RBX1: variants seen among roughly 807,000 people sequenced by gnomAD.
The protein encoded by RBX1 is E3 ubiquitin-protein ligase RBX1.
For missense variants in RBX1, 46 were observed against 141.4 expected (o/e 0.33, Z 3.42); for synonymous variants, 48 against 47.9 (o/e 1.00, Z -0.01).
At chr22:40,972,411 A>G in intron 4 of RBX1, 65 bp from the exon 5 acceptor site, 1 of 1,316,780 alleles carries the variant, frequency 7.6e-7, no homozygotes, top group Non-Finnish European at 1.1e-6. Flanking sequence ...GTGTTTAAGC[A>G]GGTTTTATGT....
chr22:40,965,258 A>G (rs34805534), intron 3 of RBX1, among the ~76,000 whole-genome samples: 1 of 151,566 alleles, frequency 6.6e-6, no homozygotes, highest in South Asian at 2.1e-4. Flanking sequence ...AGCCGAGACC[A>G]CACCACTGCA....
intron 2 of RBX1, among the ~76,000 whole-genome samples, chr22:40,958,774 T>TTTTGGTTTGGTTTGG (rs57128854): frequency 4.6e-4 from 67 of 144,818 alleles, no homozygotes; most frequent in East Asian, 3.4e-3. Flanking sequence ...TCCATCAGTA[T>TTTTGGTTTGGTTTGG]TTTGGTTTGG....
intron 2 of RBX1, among the ~76,000 whole-genome samples, chr22:40,958,929 T>C (rs1241773978): frequency 6.6e-6 from 1 of 152,140 alleles, no homozygotes; most frequent in Non-Finnish European, 1.5e-5. Flanking sequence ...TTCTCCTGCC[T>C]CAGCCTCCTG....
chr22:40,960,707 A>C (rs990804434), intron 2 of RBX1, among the ~76,000 whole-genome samples: 1 of 152,160 alleles, frequency 6.6e-6, no homozygotes, highest in African/African-American at 2.4e-5. Context: ...TAATTATAGT[A>C]GTGTATTCCA....
chr22:40,965,627 G>A (rs1283262882), intron 3 of RBX1, among the ~76,000 whole-genome samples: 2 of 152,032 alleles, frequency 1.3e-5, no homozygotes, highest in African/African-American at 4.8e-5. Flanking sequence ...TTTTAGTAGA[G>A]ATGGGGTTTC....
intron 2 of RBX1, among the ~76,000 whole-genome samples, chr22:40,961,081 C>CTTTTTTTTTTTTTTTTTTTTTTTT (rs61092253): frequency 9.3e-6 from 1 of 107,666 alleles, no homozygotes; most frequent in African/African-American, 3.7e-5. Flanking sequence ...CGTGCCTGGC[C>CTTTTTTTTTTTTTTTTTTTTTTTT]TTTTTTTTTT....
intron 1 of RBX1, among the ~76,000 whole-genome samples, chr22:40,953,140 G>A (rs1236750867): frequency 6.6e-6 from 1 of 151,824 alleles, no homozygotes; most frequent in Non-Finnish European, 1.5e-5. Context: ...ATAGACACCC[G>A]CCACCAGGCC....
intron 4 of RBX1, 85 bp downstream of exon 4, chr22:40,967,969 A>G (rs2058358524): frequency 2.3e-6 from 2 of 863,470 alleles, no homozygotes; most frequent in Admixed American, 4.0e-5. Context: ...GAGACATGAT[A>G]CATGCCTTGT....
At chr22:40,972,357 TGGAGCA>T in intron 4 of RBX1, 113 bp from the exon 5 acceptor site, 1 of 719,220 alleles carries the variant, frequency 1.4e-6, no homozygotes, top group Non-Finnish European at 2.4e-6. Flanking sequence ...CACCTAATCC[TGGAGCA>T]CACTGTGATC....
chr22:40,959,668 A>C (rs536356637), intron 2 of RBX1, among the ~76,000 whole-genome samples: 1 of 151,840 alleles, frequency 6.6e-6, no homozygotes, highest in Admixed American at 6.6e-5. Flanking sequence ...AAAAATAGCC[A>C]GGCATGGTGG....
chr22:40,952,356 T>C (rs1416928353), intron 1 of RBX1, among the ~76,000 whole-genome samples: 1 of 152,200 alleles, frequency 6.6e-6, no homozygotes, highest in Non-Finnish European at 1.5e-5. Flanking sequence ...ATGGAGATTC[T>C]AAAATAGGGA....
chr22:40,952,258 G>T (rs1288045437), intron 1 of RBX1, among the ~76,000 whole-genome samples: 1 of 152,190 alleles, frequency 6.6e-6, no homozygotes, highest in Non-Finnish European at 1.5e-5. Flanking sequence ...AAAATGGAAC[G>T]TGTCTTTTTG....
At chr22:40,953,712 C>T in intron 2 of RBX1, 79 bp downstream of exon 2, 1 of 983,362 alleles carries the variant, frequency 1.0e-6, no homozygotes. Flanking sequence ...TGATTTTCTT[C>T]TTCACACGAG....
intron 3 of RBX1, 155 bp from the exon 4 acceptor site, chr22:40,967,644 G>A: frequency 1.7e-6 from 1 of 572,934 alleles, no homozygotes; most frequent in South Asian, 2.2e-5. Flanking sequence ...ATCTAACCAA[G>A]ATATAATCAG....
chr22:40,971,561 A>G (rs757066002), intron 4 of RBX1, among the ~76,000 whole-genome samples: 52 of 151,938 alleles, frequency 3.4e-4, no homozygotes, highest in Non-Finnish European at 6.8e-4. Flanking sequence ...TTTTATTTAT[A>G]TATATATTTT....
chr22:40,951,381 A>G lies in RBX1; in HGVS notation c.-18A>G, dbSNP rs1174531344. The G allele has an allele frequency of 6.2e-6, 10 of 1,611,086 alleles. No homozygotes were observed. Among genetic ancestry groups the G allele is most frequent in the East Asian group, 4.5e-5 (2 of 44,824 alleles). ...TGCGCAGGCGCGGTGGTCGGACGACAGACCGTGTGTTTCCAAAATGGCGGC... is the reference window on the plus strand; with the variant it reads ...TGCGCAGGCGCGGTGGTCGGACGACGGACCGTGTGTTTCCAAAATGGCGGC... On this transcript the variant is annotated 5_prime_UTR_variant, in exon 1 of 5. Transcript: ENST00000216225.
chr22:40,968,950 T>C (rs2058361269), intron 4 of RBX1, among the ~76,000 whole-genome samples: 1 of 152,070 alleles, frequency 6.6e-6, no homozygotes, highest in Non-Finnish European at 1.5e-5. Context: ...TTTATGTAAA[T>C]GTACCTTAAC....
intron 3 of RBX1, among the ~76,000 whole-genome samples, chr22:40,965,447 T>C (rs2058351647): frequency 6.6e-6 from 1 of 151,866 alleles, no homozygotes; most frequent in Non-Finnish European, 1.5e-5. Context: ...TTTTGTTTTT[T>C]GTTTTTTTTT....
chr22:40,960,033 G>T (rs1423964413), intron 2 of RBX1, among the ~76,000 whole-genome samples: 2 of 152,104 alleles, frequency 1.3e-5, no homozygotes, highest in Non-Finnish European at 2.9e-5. Flanking sequence ...TGAGAGAATA[G>T]CTGGAACCCG....
Sources: gnomAD v4.1 joint callset for allele counts (sites outside exome capture counted in the v4.1 genomes callset) on GRCh38, gnomAD v4.1.1 for gene constraint, MANE v1.5 for transcripts, NCBI Gene and HGNC (gene_info 2026-07-23, HGNC 2026-07-21) for gene names.